DGKI: variants seen among roughly 807,000 people sequenced by gnomAD.
DGKI encodes DAG kinase iota.
DGKI carries 55 observed loss-of-function variants against 147.5 expected under a neutral mutation model. The observed-to-expected ratio is 0.37, with a 90% CI of 0.30 to 0.47. The LOEUF (loss-of-function observed/expected upper bound fraction) is 0.47. DGKI is among the 20% of genes least tolerant of loss of function. The pLI, the probability that DGKI is intolerant of heterozygous loss-of-function variation, is 1.00. For synonymous variants in DGKI, 469 were observed against 477.1 expected (o/e 0.98, Z 0.22); for missense variants, 1,007 against 1,323.8 (o/e 0.76, Z 3.71).
rs145606646 is a variant in DGKI, at chr7:137,819,433, C to T, written c.401+27029G>A. 4.5e-3 allele frequency among the ~76,000 whole-genome samples: 684 copies of T among 152,042 alleles called. 5 individuals carry two copies. The highest frequency in any genetic ancestry group is 7.3e-3 in the Non-Finnish European group (493 of 67,992). ...TTCATGCCATTTCCTGCCTCATCCT[C>T]CTGAGTAGCTGGGAATACAGGCGCC... On this transcript the variant is annotated intron_variant, in intron 1 of 32. Transcript: ENST00000614521.
intron 24 of DGKI, among the ~76,000 whole-genome samples, chr7:137,467,871 C>CT (rs1284838335): frequency 6.6e-6 from 1 of 151,536 alleles, no homozygotes; most frequent in East Asian, 1.9e-4. Flanking sequence ...GTGGTCCCAG[C>CT]TACTTGGGAG....
At chr7:137,637,534 C>T (rs1340160180) in intron 6 of DGKI, among the ~76,000 whole-genome samples, 2 of 152,322 alleles carry the variant, frequency 1.3e-5, no homozygotes, top group East Asian at 1.9e-4. Flanking sequence ...AAAAAACTTT[C>T]CTAACCAACT....
rs777040223 is a variant in DGKI, at chr7:137,654,704, A to T, written c.738+28T>A. 6 of 1,481,404 alleles carry T rather than the reference A, an allele frequency of 4.1e-6. No homozygotes were observed. The Admixed American group carries it at 8.5e-5, about 21-fold the overall frequency. 91.8% of individuals were successfully genotyped at this position (1,481,404 alleles called of 1,614,324 possible). On this transcript the variant is annotated intron_variant, in intron 5 of 32. Coordinates refer to ENST00000614521, the MANE Select transcript of DGKI (RefSeq NM_001321708.2). ...GAATCAATGAGAAATCAAAGGTGAT[A>T]CTTGAAATCAAGCTCTGAAATACTC...
chr7:137,428,250 T>C (rs1050700745), intron 28 of DGKI, among the ~76,000 whole-genome samples: 1 of 151,746 alleles, frequency 6.6e-6, no homozygotes, highest in South Asian at 2.1e-4. Context: ...GTTCAATATA[T>C]GCAAATCAAT....
At chr7:137,431,321 C>T (rs776153670) in intron 28 of DGKI, among the ~76,000 whole-genome samples, 1 of 151,220 alleles carries the variant, frequency 6.6e-6, no homozygotes, top group Non-Finnish European at 1.5e-5. Flanking sequence ...AATGTAACCA[C>T]ACAAGGAAAA....
chr7:137,712,593 T>C (rs1401265272), intron 1 of DGKI, among the ~76,000 whole-genome samples: 2 of 152,202 alleles, frequency 1.3e-5, no homozygotes, highest in African/African-American at 4.8e-5. Context: ...TCTCTCCCAA[T>C]AGCAAATGGT....
chr7:137,426,854 C>T (rs568655229), intron 28 of DGKI, among the ~76,000 whole-genome samples: 2,807 of 152,154 alleles, frequency 0.018, 75 homozygotes, highest in African/African-American at 0.064. Context: ...AGCTAACTAT[C>T]CTAAATATGC....
Position 137,395,582 on chromosome 7 carries a change from T to A in DGKI, c.3057+16A>T. On this transcript the variant is annotated intron_variant, in intron 32 of 32. Transcript: ENST00000614521. ...TCGCCCAGCGGGAGGATGTTTGCAC[T>A]CACTCATCGAGTTACCTTGGAGTCC... is the stretch of plus-strand genomic sequence containing the variant. 1 of 1,610,328 alleles carries A rather than the reference T, an allele frequency of 6.2e-7. No individual in the cohort carries two copies. Among genetic ancestry groups the A allele is most frequent in the South Asian group, 1.1e-5 (1 of 90,988 alleles).
intron 1 of DGKI, among the ~76,000 whole-genome samples, chr7:137,775,749 G>A (rs1796343880): frequency 6.6e-6 from 1 of 152,140 alleles, no homozygotes; most frequent in African/African-American, 2.4e-5. Flanking sequence ...AAACAGTAGG[G>A]AACTCGATAG....
chr7:137,436,164 C>G (rs1813275346), intron 28 of DGKI, among the ~76,000 whole-genome samples: 1 of 152,124 alleles, frequency 6.6e-6, no homozygotes, highest in African/African-American at 2.4e-5. Flanking sequence ...AAGGGAATAG[C>G]TACCTTTTGA....
intron 23 of DGKI, among the ~76,000 whole-genome samples, chr7:137,475,637 A>T (rs998218294): frequency 3.9e-5 from 6 of 152,342 alleles, no homozygotes; most frequent in South Asian, 4.1e-4. Context: ...AATGCAAGGC[A>T]TGTGACGGAA....
chr7:137,727,427 C>G (rs2116645735), intron 1 of DGKI, among the ~76,000 whole-genome samples: 1 of 152,288 alleles, frequency 6.6e-6, no homozygotes, highest in Non-Finnish European at 1.5e-5. Flanking sequence ...ACTCCTTTTG[C>G]CCTTCTGCAA....
intron 2 of DGKI, among the ~76,000 whole-genome samples, chr7:137,685,624 A>T (rs1288962116): frequency 1.3e-5 from 2 of 152,210 alleles, no homozygotes; most frequent in Non-Finnish European, 2.9e-5. Flanking sequence ...CTTCTTAGGC[A>T]TTACTTCCTT....
At chr7:137,596,032 AAG>A (rs1320001452) in intron 12 of DGKI, among the ~76,000 whole-genome samples, 96 of 142,520 alleles carry the variant, frequency 6.7e-4, no homozygotes, top group African/African-American at 2.5e-3. Context: ...AAAAAAAAAA[AAG>A]AAAGAAAGAA....
At chr7:137,406,028 T>C (rs571901346) in intron 30 of DGKI, among the ~76,000 whole-genome samples, 12 of 152,136 alleles carry the variant, frequency 7.9e-5, no homozygotes, top group Non-Finnish European at 1.6e-4. Context: ...CTGGATTGTG[T>C]TGTCACTCAA....
chr7:137,577,123 T>G, intron 17 of DGKI, 99 bp downstream of exon 17: 1 of 829,070 alleles, frequency 1.2e-6, no homozygotes, highest in South Asian at 1.5e-5. Flanking sequence ...CAAAGTTCTA[T>G]GCAGTCCAGT....
In DGKI at chr7:137,618,152, T is replaced by TA. The variant is rs1554442534; in HGVS notation, c.993+1671_993+1672insT. ...CTATATATATATATATATATATATA[T>TA]TTTTTTTTTTTTACTCTATCATTCC... is the stretch of plus-strand genomic sequence containing the variant. On this transcript the variant is annotated intron_variant, in intron 8 of 32. Coordinates refer to ENST00000614521, the MANE Select transcript of DGKI (RefSeq NM_001321708.2). Among the ~76,000 whole-genome samples, 62 of 14,342 alleles carry TA rather than the reference T, an allele frequency of 4.3e-3. 1 individual carries two copies. The highest frequency in any genetic ancestry group is 6.3e-3 in the African/African-American group (49 of 7,728). The allele number at this position is 14,342 out of a possible 152,430, so 9.4% of individuals were successfully genotyped here.
At chr7:137,838,355 A>G (rs1431164344) in intron 1 of DGKI, among the ~76,000 whole-genome samples, 1 of 152,190 alleles carries the variant, frequency 6.6e-6, no homozygotes, top group African/African-American at 2.4e-5. Context: ...CACATCCATA[A>G]GGACAATGAT....
At chr7:137,782,859 C>G (rs1796559754) in intron 1 of DGKI, among the ~76,000 whole-genome samples, 2 of 152,184 alleles carry the variant, frequency 1.3e-5, no homozygotes, top group South Asian at 4.1e-4. Context: ...AGCTCTGTAG[C>G]TCCACTGGGT....
Sources: allele counts gnomAD v4.1 joint callset (sites outside exome capture counted in the v4.1 genomes callset), GRCh38; gene constraint gnomAD v4.1.1; transcripts MANE v1.5; gene names NCBI Gene and HGNC (gene_info 2026-07-23, HGNC 2026-07-21).